The following GTF2F2 variants were observed in gnomAD, a reference collection of about 807,000 sequenced individuals.
GTF2F2 encodes general transcription factor IIF subunit 2.
GTF2F2 carries 23 observed loss-of-function variants against 42.2 expected under a neutral mutation model. The observed-to-expected ratio is 0.55, with a 90% CI of 0.39 to 0.77. The LOEUF (loss-of-function observed/expected upper bound fraction) is 0.77, where lower values mean the gene tolerates loss of function less well. GTF2F2 is among the 30% of genes least tolerant of loss of function. The pLI is 0.00. For missense variants in GTF2F2, 261 were observed against 287.2 expected (o/e 0.91, Z 0.66); for synonymous variants, 105 against 100.8 (o/e 1.04, Z -0.25).
At chr13:45,262,208 C>CA (rs1229883240) in intron 6 of GTF2F2, among the ~76,000 whole-genome samples, 2 of 151,956 alleles carry the variant, frequency 1.3e-5, no homozygotes, top group Non-Finnish European at 2.9e-5. Flanking sequence ...CCTATCTCTT[C>CA]AAAAAAATTT....
intron 4 of GTF2F2, among the ~76,000 whole-genome samples, chr13:45,198,246 T>A (rs1873000894): frequency 6.6e-6 from 1 of 152,240 alleles, no homozygotes; most frequent in Admixed American, 6.5e-5. Context: ...CCCATCTTTT[T>A]ACCAACTCCT....
intron 4 of GTF2F2, among the ~76,000 whole-genome samples, chr13:45,186,915 G>A: frequency 6.6e-6 from 1 of 152,098 alleles, no homozygotes; most frequent in East Asian, 1.9e-4. Flanking sequence ...TTGAAAAGTT[G>A]AGCCTGTTTT....
At position 45,218,326 on chromosome 13, in the gene GTF2F2, T is replaced by C. The variant is rs192672987; in HGVS notation, c.386+10821T>C. Among the ~76,000 whole-genome samples, 65 of 152,368 alleles carry C rather than the reference T, an allele frequency of 4.3e-4. No homozygotes were observed. In the Middle Eastern group the frequency reaches 0.01, roughly 24 times the overall value. ...CACTGACTAGCCCATATGGCATCTT[T>C]GTACGTATTAGAAAAAGGTGCTCCT... On this transcript the variant is annotated intron_variant, in intron 5 of 7. Transcript: ENST00000340473.
chr13:45,194,819 G>C (rs1872811236), intron 4 of GTF2F2: 3 of 480,624 alleles, frequency 6.2e-6, no homozygotes, highest in Non-Finnish European at 1.1e-5. Context: ...GTTGTGAAAG[G>C]ATTTTCATGT....
chr13:45,272,436 A>AC lies in GTF2F2; in HGVS notation c.630+5060_630+5061insC, dbSNP rs1555273493. Among the ~76,000 whole-genome samples, 164 of 143,190 alleles carry AC rather than the reference A, an allele frequency of 1.1e-3. 1 individual carries two copies. Among genetic ancestry groups the AC allele is most frequent in the African/African-American group, 4.2e-3 (153 of 36,130 alleles). The allele number at this position is 143,190 out of a possible 152,430, so 93.9% of individuals were successfully genotyped here. On this transcript the variant is annotated intron_variant, in intron 7 of 7. Coordinates refer to ENST00000340473, the MANE Select transcript of GTF2F2 (RefSeq NM_004128.3). ...TGTTTTGGCTCTTTAAAAAAAAAAAAAAAACAAAAAAAAAAAACAGGGTCT... is the reference window on the plus strand; with the variant it reads ...TGTTTTGGCTCTTTAAAAAAAAAAAACAAAACAAAAAAAAAAAACAGGGTCT...
intron 4 of GTF2F2, among the ~76,000 whole-genome samples, chr13:45,189,931 CA>C (rs1156835250): frequency 1.3e-5 from 2 of 151,970 alleles, no homozygotes; most frequent in African/African-American, 4.8e-5. Context: ...CAGTACCATT[CA>C]GGACATAGGC....
chr13:45,175,583 T>C (rs547256133), intron 4 of GTF2F2, among the ~76,000 whole-genome samples: 7 of 152,358 alleles, frequency 4.6e-5, no homozygotes, highest in Admixed American at 1.3e-4. Flanking sequence ...CAAATATGTG[T>C]GTACTCTTCA....
intron 4 of GTF2F2, among the ~76,000 whole-genome samples, chr13:45,197,805 A>G (rs940974103): frequency 2.6e-5 from 4 of 152,234 alleles, no homozygotes; most frequent in Non-Finnish European, 4.4e-5. Flanking sequence ...ACCTATACCA[A>G]GGGAGACATC....
chr13:45,269,292 T>C (rs889974180), intron 7 of GTF2F2, among the ~76,000 whole-genome samples: 2 of 152,206 alleles, frequency 1.3e-5, no homozygotes, highest in African/African-American at 4.8e-5. Context: ...AGGGCCACCA[T>C]ATTTTCTTCA....
chr13:45,139,414 G>A (rs957182545), intron 2 of GTF2F2, among the ~76,000 whole-genome samples: 3 of 152,152 alleles, frequency 2.0e-5, no homozygotes, highest in Admixed American at 6.5e-5. Context: ...CTGTGTCCTC[G>A]GATGTCCTCG....
At chr13:45,154,957 GAGTCTTATGTATTTGTTATTTCT>G (rs1465869345) in intron 4 of GTF2F2, among the ~76,000 whole-genome samples, 2 of 152,168 alleles carry the variant, frequency 1.3e-5, no homozygotes, top group Non-Finnish European at 2.9e-5. Flanking sequence ...CTCCTCTGAG[GAGTCTTATGTATTTGTTATTTCT>G]AGTCATTAAA....
intron 7 of GTF2F2, among the ~76,000 whole-genome samples, chr13:45,270,609 T>TA (rs1566157595): frequency 6.6e-6 from 1 of 152,174 alleles, no homozygotes; most frequent in Non-Finnish European, 1.5e-5. Context: ...CAATTCTTAC[T>TA]ACTGCCACAT....
chr13:45,194,524 TC>T, intron 4 of GTF2F2: 1 of 1,613,814 alleles, frequency 6.2e-7, no homozygotes, highest in Non-Finnish European at 8.5e-7. Flanking sequence ...GTGTTTCCCT[TC>T]ATACTCCTTT....
intron 5 of GTF2F2, among the ~76,000 whole-genome samples, chr13:45,245,119 CTTA>C (rs1875520521): frequency 6.6e-6 from 1 of 152,070 alleles, no homozygotes; most frequent in Non-Finnish European, 1.5e-5. Context: ...TTTTTCTTCT[CTTA>C]TTTTCAACTG....
chr13:45,149,317 C>T (rs1385055267), intron 2 of GTF2F2, among the ~76,000 whole-genome samples: 1 of 149,700 alleles, frequency 6.7e-6, no homozygotes, highest in Non-Finnish European at 1.5e-5. Context: ...ATGGCATGCA[C>T]TTGTAGACCC....
Position 45,126,243 on chromosome 13 carries a change from G to A in GTF2F2, c.66+5522G>A, listed in dbSNP as rs528535117. On this transcript the variant is annotated intron_variant, in intron 1 of 7. Transcript: ENST00000340473. ...GCACCTTGGCTTCAAAGGGAAGAAC[G>A]ACTTTTTTTTTTTTTTTTTTTTTTT... 4.1e-5 allele frequency among the ~76,000 whole-genome samples: 6 copies of A among 145,008 alleles called. No individual in the cohort carries two copies. The South Asian group carries it at 1.1e-3, about 26-fold the overall frequency.
chr13:45,204,105 A>T (rs74849456), intron 4 of GTF2F2, among the ~76,000 whole-genome samples: 1 of 152,102 alleles, frequency 6.6e-6, no homozygotes, highest in African/African-American at 2.4e-5. Flanking sequence ...TTGGGAGTCT[A>T]TACATTTTTC....
At chr13:45,279,797 C>T (rs1479089006) in intron 7 of GTF2F2, among the ~76,000 whole-genome samples, 1 of 152,026 alleles carries the variant, frequency 6.6e-6, no homozygotes, top group Admixed American at 6.6e-5. Context: ...CCCAGCTACT[C>T]GGGAGGCTGA....
chr13:45,205,047 T>G (rs1873358000), intron 4 of GTF2F2, among the ~76,000 whole-genome samples: 1 of 152,202 alleles, frequency 6.6e-6, no homozygotes, highest in Admixed American at 6.5e-5. Context: ...AAAGTTAAAT[T>G]CAGCCTGTCC....
Sources: allele counts gnomAD v4.1 joint callset (sites outside exome capture counted in the v4.1 genomes callset), GRCh38; gene constraint gnomAD v4.1.1; transcripts MANE v1.5; gene names NCBI Gene and HGNC (gene_info 2026-07-23, HGNC 2026-07-21).